KIF13B: variants seen among roughly 807,000 people sequenced by gnomAD.
The protein encoded by KIF13B is kinesin-like protein KIF13B.
A neutral mutation model predicts 222.0 loss-of-function variants in KIF13B; 127 were observed. That is an observed-to-expected ratio of 0.57 (90% CI 0.50 to 0.66). KIF13B has a LOEUF of 0.66. Ranked by LOEUF, KIF13B falls within the 30% of genes least tolerant of loss-of-function variation. The pLI is 0.00. For synonymous variants in KIF13B, 976 were observed against 919.0 expected, an observed-to-expected ratio of 1.06 and a Z score of -1.12; for missense variants, 2,173 against 2,379.0, an observed-to-expected ratio of 0.91 and a Z score of 1.80.
Position 29,070,536 on chromosome 8 carries a change from T to C in KIF13B, c.5449A>G (p.Asn1817Asp), listed in dbSNP as rs1348849392. Residue 1817 changes from asparagine to aspartate, a missense_variant, in exon 40 of 40, where the codon AAC (asparagine) becomes GAC (aspartate). Physicochemically the swap from Asn to Asp is conservative, Grantham distance 23. Around this residue, in one of 2 missense-constraint regions of KIF13B, gnomAD observed 693 missense variants for 656.2 expected, o/e 1.06. Coordinates refer to ENST00000524189, the MANE Select transcript of KIF13B (RefSeq NM_015254.4). The surrounding 1 kb of genome is among the most constrained non-coding windows in gnomAD (Gnocchi z 4.1). ...ALAKADRSHKNPENRKSWAS is the reference protein window; with the variant it reads ...ALAKADRSHKDPENRKSWAS ...GCCCAGGATTTCCGGTTCTCAGGGTTCTTGTGGCTCCTGTCGGCCTTGGCC... is the reference window on the plus strand; with the variant it reads ...GCCCAGGATTTCCGGTTCTCAGGGTCCTTGTGGCTCCTGTCGGCCTTGGCC... 2 of 1,610,484 alleles carry C rather than the reference T, an allele frequency of 1.2e-6. No individual in the cohort carries two copies. Among genetic ancestry groups the C allele is most frequent in the Non-Finnish European group, 1.7e-6 (2 of 1,178,884 alleles).
rs1260976742 is a variant in KIF13B at position 29,068,576 on chromosome 8, G to A, written c.*1928C>T. 3 of 152,440 alleles carry A rather than the reference G, an allele frequency of 2.0e-5. No individual in the cohort carries two copies. The highest frequency in any genetic ancestry group is 3.4e-3 in the Middle Eastern group (1 of 294). 9.4% of individuals were successfully genotyped at this position (152,440 alleles called of 1,614,324 possible). On this transcript the variant is annotated 3_prime_UTR_variant, in exon 40 of 40. Coordinates refer to ENST00000524189, the MANE Select transcript of KIF13B (RefSeq NM_015254.4). The surrounding 1 kb of genome is among the most constrained non-coding windows in gnomAD (Gnocchi z 4.4). ...AGGACTTTCCCAAGATGGTGCTACAGGAGGCCGCTGCTGGGTGGATGGCTC... is the reference window on the plus strand; with the variant it reads ...AGGACTTTCCCAAGATGGTGCTACAAGAGGCCGCTGCTGGGTGGATGGCTC...
intron 1 of KIF13B, among the ~76,000 whole-genome samples, chr8:29,261,194 G>T (rs183437632): frequency 6.6e-6 from 1 of 152,230 alleles, no homozygotes; most frequent in Admixed American, 6.5e-5. Flanking sequence ...GGAATCTATG[G>T]GTAAACCTCA....
chr8:29,131,351 G>GA lies in KIF13B; in HGVS notation c.2943-687dup, dbSNP rs958627635. On this transcript the variant is annotated intron_variant, in intron 23 of 39. Coordinates refer to ENST00000524189, the MANE Select transcript of KIF13B (RefSeq NM_015254.4). Reference sequence around the variant, plus strand: ...TTTGAAACTATTAAAAAAAAAAAAGGAAAAAAAAAGCAAATACAGGGGTTG... The same window carrying GA: ...TTTGAAACTATTAAAAAAAAAAAAGGAAAAAAAAAAGCAAATACAGGGGTTG... Among the ~76,000 whole-genome samples the GA allele has an allele frequency of 2.0e-4, 30 of 146,620 alleles. No homozygotes were observed. The South Asian group carries it at 5.0e-3, about 25-fold the overall frequency.
chr8:29,149,459 CCAG>C (rs1311143833), intron 15 of KIF13B, among the ~76,000 whole-genome samples: 1 of 152,158 alleles, frequency 6.6e-6, no homozygotes, highest in African/African-American at 2.4e-5. Context: ...TTTACAATAT[CCAG>C]CCTGCCTGCC....
At chr8:29,248,840 T>C (rs1816155387) in intron 1 of KIF13B, among the ~76,000 whole-genome samples, 1 of 152,210 alleles carries the variant, frequency 6.6e-6, no homozygotes, top group African/African-American at 2.4e-5. Context: ...TAGGGAAATT[T>C]GTAGAGACAA....
intron 35 of KIF13B, among the ~76,000 whole-genome samples, chr8:29,102,812 A>G (rs1013153161): frequency 2.6e-5 from 4 of 152,242 alleles, no homozygotes; most frequent in Non-Finnish European, 5.9e-5. Context: ...ACAAAATTCA[A>G]TTCTGCTAAC....
At position 29,123,768 on chromosome 8, in the gene KIF13B, T is replaced by C. The variant is rs140988661; in HGVS notation, c.3352+256A>G. Among the ~76,000 whole-genome samples, 350 of 152,320 alleles carry C rather than the reference T, an allele frequency of 2.3e-3. 1 individual carries two copies. Among genetic ancestry groups the C allele is most frequent in the African/African-American group, 8.1e-3 (335 of 41,584 alleles). ...TAAGAAAAGTTACCACCTTCCTTTA[T>C]GTTATCTTTGACAAACCATGTATGC... is the stretch of plus-strand genomic sequence containing the variant. On this transcript the variant is annotated intron_variant, in intron 27 of 39. Transcript: ENST00000524189.
At chr8:29,240,873 G>A (rs952593804) in intron 2 of KIF13B, among the ~76,000 whole-genome samples, 2 of 152,192 alleles carry the variant, frequency 1.3e-5, no homozygotes, top group African/African-American at 2.4e-5. Context: ...ATGTAAAACG[G>A]TGCGGCAGCT....
intron 10 of KIF13B, among the ~76,000 whole-genome samples, chr8:29,174,967 C>T (rs1443050381): frequency 1.3e-5 from 2 of 152,110 alleles, no homozygotes; most frequent in Non-Finnish European, 2.9e-5. Context: ...GTAACTATGT[C>T]CTCTACTAAG....
At chr8:29,181,602 C>G (rs1275354177) in intron 7 of KIF13B, among the ~76,000 whole-genome samples, 1 of 152,030 alleles carries the variant, frequency 6.6e-6, no homozygotes, top group Non-Finnish European at 1.5e-5. Context: ...ACATTAACTG[C>G]AAAAGGAAGT....
intron 38 of KIF13B, among the ~76,000 whole-genome samples, chr8:29,073,829 G>A (rs1807426748): frequency 6.6e-6 from 1 of 152,064 alleles, no homozygotes; most frequent in Admixed American, 6.5e-5. Context: ...GGAAATTAAT[G>A]GCACCTCTTG....
At chr8:29,260,621 C>CTT (rs556075595) in intron 1 of KIF13B, among the ~76,000 whole-genome samples, 2 of 145,244 alleles carry the variant, frequency 1.4e-5, no homozygotes, top group African/African-American at 2.5e-5. Context: ...TTGTTTTAGT[C>CTT]TTTTTTTTTT....
At chr8:29,074,073 AG>A (rs1807441498) in intron 38 of KIF13B, among the ~76,000 whole-genome samples, 1 of 152,224 alleles carries the variant, frequency 6.6e-6, no homozygotes, top group African/African-American at 2.4e-5. Flanking sequence ...AACGGTAACC[AG>A]GGTCCTGAAA....
At position 29,070,829 on chromosome 8, in the gene KIF13B, C is replaced by T; in HGVS notation, c.5219-63G>A. 1 of 1,537,884 alleles carries T rather than the reference C, an allele frequency of 6.5e-7. No homozygotes were observed. The highest frequency in any genetic ancestry group is 8.8e-7 in the Non-Finnish European group (1 of 1,135,672). On this transcript the variant is annotated intron_variant, in intron 39 of 39. Coordinates refer to ENST00000524189, the MANE Select transcript of KIF13B (RefSeq NM_015254.4). The surrounding 1 kb of genome is among the most constrained non-coding windows in gnomAD (Gnocchi z 4.1). ...AGCTGCAGACGGCCCCCTGCACCTCCCTTACCTCTGCAGAGGCCATGTGCC... is the reference window on the plus strand; with the variant it reads ...AGCTGCAGACGGCCCCCTGCACCTCTCTTACCTCTGCAGAGGCCATGTGCC...
chr8:29,251,298 C>G (rs1816271591), intron 1 of KIF13B, among the ~76,000 whole-genome samples: 1 of 152,152 alleles, frequency 6.6e-6, no homozygotes, highest in African/African-American at 2.4e-5. Flanking sequence ...TTAAAAAAAG[C>G]CTAGCTGCTA....
intron 37 of KIF13B, among the ~76,000 whole-genome samples, chr8:29,081,382 T>A (rs1031423271): frequency 4.6e-5 from 7 of 152,254 alleles, no homozygotes; most frequent in East Asian, 1.9e-4. Flanking sequence ...GTCCATTTTT[T>A]ATTTTAATTA....
chr8:29,085,536 T>C (rs1808004611), intron 37 of KIF13B, among the ~76,000 whole-genome samples: 2 of 151,906 alleles, frequency 1.3e-5, no homozygotes, highest in Admixed American at 1.3e-4. Flanking sequence ...CCACATATTT[T>C]TTTTTTTAAT....
At chr8:29,248,633 G>A (rs1421524384) in intron 1 of KIF13B, among the ~76,000 whole-genome samples, 1 of 152,100 alleles carries the variant, frequency 6.6e-6, no homozygotes, top group Non-Finnish European at 1.5e-5. Flanking sequence ...TGATTCATTT[G>A]TCTCCCACTG....
chr8:29,121,430 A>G (rs1330552676), intron 29 of KIF13B, among the ~76,000 whole-genome samples: 48 of 49,530 alleles, frequency 9.7e-4, no homozygotes, highest in Non-Finnish European at 1.5e-3. Flanking sequence ...ATCTTTGACA[A>G]ACCTGAGAAA....
Sources: gnomAD v4.1 joint callset for allele counts (sites outside exome capture counted in the v4.1 genomes callset) on GRCh38, gnomAD v4.1.1 for gene constraint, gnomAD v4.1.1 regional missense constraint, Gnocchi (gnomAD v3.1) non-coding constraint, MANE v1.5 for transcripts, NCBI Gene and HGNC (gene_info 2026-07-23, HGNC 2026-07-21) for gene names.